Variants in HS6ST3 observed in about 807,000 individuals in gnomAD.
HS6ST3 encodes the protein heparan-sulfate 6-O-sulfotransferase 3.
A neutral mutation model predicts 36.7 loss-of-function variants in HS6ST3; 12 were observed. That is an observed-to-expected ratio of 0.33 (90% CI 0.21 to 0.53). The LOEUF is 0.53. Among genes scored for constraint, HS6ST3 ranks in the 20% least tolerant of loss-of-function variants. HS6ST3 has a pLI of 0.95. For missense variants in HS6ST3, 584 were observed against 640.9 expected (o/e 0.91, Z 0.96); for synonymous variants, 240 against 257.5 (o/e 0.93, Z 0.65).
intron 1 of HS6ST3, among the ~76,000 whole-genome samples, chr13:96,194,806 T>C (rs373465947): frequency 1.3e-5 from 2 of 152,044 alleles, no homozygotes; most frequent in South Asian, 2.1e-4. Context: ...ACCACTGTTC[T>C]ACTCTGTTCC....
intron 1 of HS6ST3, among the ~76,000 whole-genome samples, chr13:96,593,174 CTTTTTTTTTTTTTTT>C (rs35380296): frequency 8.6e-4 from 40 of 46,602 alleles, no homozygotes; most frequent in African/African-American, 3.0e-3. Context: ...TTCTTTCTTT[CTTTTTTTTTTTTTTT>C]TTTTTTTTTT....
chr13:96,200,797 C>G (rs903480138), intron 1 of HS6ST3, among the ~76,000 whole-genome samples: 4 of 152,082 alleles, frequency 2.6e-5, no homozygotes, highest in Non-Finnish European at 5.9e-5. Flanking sequence ...CAGAATGCCT[C>G]TCATTTCAAA....
chr13:96,333,686 A>T (rs2055084599), intron 1 of HS6ST3, among the ~76,000 whole-genome samples: 1 of 152,184 alleles, frequency 6.6e-6, no homozygotes, highest in Non-Finnish European at 1.5e-5. Flanking sequence ...AAATTCTGTA[A>T]GATGTGGATT....
chr13:96,653,072 A>G lies in HS6ST3; in HGVS notation c.708-179418A>G, dbSNP rs1312702018. 2.6e-5 allele frequency among the ~76,000 whole-genome samples: 4 copies of G among 151,658 alleles called. No homozygotes were observed. The South Asian group carries it at 8.3e-4, about 32-fold the overall frequency. On this transcript the variant is annotated intron_variant, in intron 1 of 1. Transcript: ENST00000376705. ...CTGTTTGGGGACTCATTTTTGCTAA[A>G]CTCTTTTCTGAGGTGGATGCAGAAA...
chr13:96,388,066 A>G lies in HS6ST3; in HGVS notation c.707+296497A>G, dbSNP rs191393578. ...CCCTCTGGTTTGCCTGGAATTCCAT[A>G]GATTCATCTGTGGTTTGATTTCTGG... On this transcript the variant is annotated intron_variant, in intron 1 of 1. Transcript: ENST00000376705. Among the ~76,000 whole-genome samples, 29 of 152,314 alleles carry G rather than the reference A, an allele frequency of 1.9e-4. 1 individual carries two copies. The East Asian group carries it at 5.2e-3, about 27-fold the overall frequency.
chr13:96,585,144 A>G (rs1483112413), intron 1 of HS6ST3, among the ~76,000 whole-genome samples: 1 of 152,202 alleles, frequency 6.6e-6, no homozygotes, highest in Non-Finnish European at 1.5e-5. Context: ...TTACTAATTA[A>G]TGTATTAATT....
chr13:96,344,934 T>C (rs1426506232), intron 1 of HS6ST3, among the ~76,000 whole-genome samples: 1 of 152,184 alleles, frequency 6.6e-6, no homozygotes, highest in Non-Finnish European at 1.5e-5. Flanking sequence ...AATGACAGAA[T>C]AGGGAATTCT....
intron 1 of HS6ST3, among the ~76,000 whole-genome samples, chr13:96,729,559 C>T (rs972504890): frequency 2.0e-5 from 3 of 152,070 alleles, no homozygotes; most frequent in Non-Finnish European, 4.4e-5. Context: ...TAGGTTCAAG[C>T]GATTCTTCTG....
chr13:96,266,012 A>G lies in HS6ST3; in HGVS notation c.707+174443A>G, dbSNP rs756041578. Among the ~76,000 whole-genome samples the G allele has an allele frequency of 5.8e-4, 88 of 152,166 alleles. 1 individual carries two copies. The highest frequency in any genetic ancestry group is 2.1e-4 in the Non-Finnish European group (14 of 68,032). ...TGGACTACTCCATGAAGTAGGAATTATCATCCCCATATTATGATGCTCTTG... is the reference window on the plus strand; with the variant it reads ...TGGACTACTCCATGAAGTAGGAATTGTCATCCCCATATTATGATGCTCTTG... On this transcript the variant is annotated intron_variant, in intron 1 of 1. Coordinates refer to ENST00000376705, the MANE Select transcript of HS6ST3 (RefSeq NM_153456.4).
chr13:96,218,238 G>T (rs2054436858), intron 1 of HS6ST3, among the ~76,000 whole-genome samples: 1 of 152,164 alleles, frequency 6.6e-6, no homozygotes, highest in African/African-American at 2.4e-5. Flanking sequence ...GTGAATGTCA[G>T]GTAAGGGACA....
chr13:96,305,617 T>C (rs114030776), intron 1 of HS6ST3, among the ~76,000 whole-genome samples: 2 of 152,264 alleles, frequency 1.3e-5, no homozygotes, highest in African/African-American at 4.8e-5. Flanking sequence ...GTGACTAATT[T>C]TAGAATCTAA....
intron 1 of HS6ST3, among the ~76,000 whole-genome samples, chr13:96,508,460 AG>A (rs2138917987): frequency 6.6e-6 from 1 of 152,094 alleles, no homozygotes; most frequent in South Asian, 2.1e-4. Context: ...CCGAAATTTT[AG>A]GGCACCCATC....
chr13:96,382,896 A>G (rs2055348306), intron 1 of HS6ST3, among the ~76,000 whole-genome samples: 1 of 152,228 alleles, frequency 6.6e-6, no homozygotes, highest in Non-Finnish European at 1.5e-5. Context: ...ACATTCTATT[A>G]ATAGCAGTGA....
At chr13:96,274,026 C>T (rs1363485771) in intron 1 of HS6ST3, among the ~76,000 whole-genome samples, 1 of 142,912 alleles carries the variant, frequency 7.0e-6, no homozygotes, top group Non-Finnish European at 1.5e-5. Flanking sequence ...TTCTCTTTCT[C>T]TCTTTTCTTT....
intron 1 of HS6ST3, among the ~76,000 whole-genome samples, chr13:96,486,414 A>G (rs11617368): frequency 0.078 from 11,818 of 152,132 alleles, 550 homozygotes; most frequent in African/African-American, 0.12. Flanking sequence ...TGGTATTTCT[A>G]GTTCTAGATC....
chr13:96,619,859 G>C (rs1448356027), intron 1 of HS6ST3, among the ~76,000 whole-genome samples: 2 of 151,340 alleles, frequency 1.3e-5, no homozygotes, highest in Non-Finnish European at 2.9e-5. Flanking sequence ...AAGGTTGACA[G>C]TTGGCAGGCC....
intron 1 of HS6ST3, among the ~76,000 whole-genome samples, chr13:96,108,952 C>CCTATCT (rs145081903): frequency 0.39 from 57,041 of 147,796 alleles, 11,502 homozygotes; most frequent in East Asian, 0.48. Flanking sequence ...GACAACCACT[C>CCTATCT]CTATCTCTAT....
At chr13:96,738,562 C>G (rs1876346932) in intron 1 of HS6ST3, among the ~76,000 whole-genome samples, 1 of 152,038 alleles carries the variant, frequency 6.6e-6, no homozygotes, top group Non-Finnish European at 1.5e-5. Context: ...TCAAATAATG[C>G]CCTATTATTG....
intron 1 of HS6ST3, among the ~76,000 whole-genome samples, chr13:96,434,192 C>G (rs2055630403): frequency 6.6e-6 from 1 of 152,092 alleles, no homozygotes; most frequent in African/African-American, 2.4e-5. Context: ...AGTTGTTCAG[C>G]CTTTGTTATG....
Sources: allele counts gnomAD v4.1 joint callset (sites outside exome capture counted in the v4.1 genomes callset), GRCh38; gene constraint gnomAD v4.1.1; transcripts MANE v1.5; gene names NCBI Gene and HGNC (gene_info 2026-07-23, HGNC 2026-07-21).